The following PLEKHA8 variants were observed in gnomAD, a reference collection of about 807,000 sequenced individuals.
PLEKHA8 encodes the protein pleckstrin homology domain-containing family A member 8.
Under a neutral mutation model 68.2 loss-of-function variants are expected in PLEKHA8, and 36 were observed. The observed-to-expected ratio is 0.53, with a 90% CI of 0.40 to 0.70. The LOEUF (loss-of-function observed/expected upper bound fraction) is 0.70, where lower values mean the gene tolerates loss of function less well. Among genes scored for constraint, PLEKHA8 ranks in the 30% least tolerant of loss-of-function variants. The pLI is 0.00. For missense variants in PLEKHA8, 505 were observed against 615.4 expected (o/e 0.82, Z 1.90); for synonymous variants, 211 against 216.1 (o/e 0.98, Z 0.20).
chr7:30,064,262 C>T (rs146030887), intron 12 of PLEKHA8, among the ~76,000 whole-genome samples: 68 of 152,290 alleles, frequency 4.5e-4, no homozygotes, highest in African/African-American at 1.3e-3. Context: ...GTATTTGGTA[C>T]GCAAAACACT....
At chr7:30,041,875 CTA>C (rs1419086217) in intron 1 of PLEKHA8, among the ~76,000 whole-genome samples, 1 of 151,844 alleles carries the variant, frequency 6.6e-6, no homozygotes, top group Admixed American at 6.6e-5. Flanking sequence ...AGAACCTGTG[CTA>C]TGTCATTGTT....
chr7:30,034,856 A>G (rs554831762), intron 1 of PLEKHA8, among the ~76,000 whole-genome samples: 1 of 151,096 alleles, frequency 6.6e-6, no homozygotes, highest in South Asian at 2.1e-4. Flanking sequence ...TTAAATTTTG[A>G]TGTAGTCTGA....
At chr7:30,127,805 A>G (rs1403155473) in intron 13 of PLEKHA8, among the ~76,000 whole-genome samples, 3 of 152,376 alleles carry the variant, frequency 2.0e-5, no homozygotes, top group Admixed American at 6.5e-5. Context: ...AACCAATTTT[A>G]CATCTATTTT....
At chr7:30,125,460 C>G (rs926498445) in intron 13 of PLEKHA8, among the ~76,000 whole-genome samples, 1 of 152,180 alleles carries the variant, frequency 6.6e-6, no homozygotes, top group Non-Finnish European at 1.5e-5. Context: ...GAGGAAATCC[C>G]TGGAGATTTA....
At chr7:30,095,211 G>T (rs1328668944), downstream of PLEKHA8, among the ~76,000 whole-genome samples, 1 of 152,170 alleles carries the variant, frequency 6.6e-6, no homozygotes, top group African/African-American at 2.4e-5. Flanking sequence ...TTTAAAGATC[G>T]CCATGCTAAC....
At position 30,054,736 on chromosome 7, in the gene PLEKHA8, G is replaced by C. The variant is rs751068357; in HGVS notation, c.824G>C (p.Gly275Ala). 6.3e-7 allele frequency: 1 copy of C among 1,598,266 alleles called. No homozygotes were observed. The highest frequency in any genetic ancestry group is 8.5e-7 in the Non-Finnish European group (1 of 1,170,508). The part of the protein sequence containing the change: ...TVQGEIRKED[G>A]MENLKNHDNN... ...CAAGGTGAAATAAGGAAGGAAGATG[G>C]AATGGAAAACCTGAAAAATCATGAC... The change falls in exon 8 of 14, where the codon GGA (glycine) becomes GCA (alanine). Residue 275 changes from glycine (G) to alanine (A), a missense_variant. Coordinates refer to ENST00000449726, the MANE Select transcript of PLEKHA8 (RefSeq NM_001197026.2).
intron 13 of PLEKHA8, among the ~76,000 whole-genome samples, chr7:30,106,831 T>G (rs572439114): frequency 6.6e-6 from 1 of 152,352 alleles, no homozygotes; most frequent in South Asian, 2.1e-4. Flanking sequence ...AAGTAATTTA[T>G]AAATGATTTA....
rs527499964 is a variant in PLEKHA8, at chr7:30,113,208, T to G, written c.1363-16058T>G. ...CTTGCTTTCTGCATCTTTCTTCTGG[T>G]TTTGATTTGCTCCTTCTGGAAGTAA... is the stretch of plus-strand genomic sequence containing the variant. On this transcript the variant is annotated intron_variant, in intron 13 of 13. Coordinates refer to the PLEKHA8 transcript ENST00000396257. Among the ~76,000 whole-genome samples the G allele has an allele frequency of 2.6e-5, 4 of 152,308 alleles. No individual in the cohort carries two copies. In the South Asian group the frequency reaches 8.3e-4, roughly 32 times the overall value.
intron 4 of PLEKHA8, 133 bp downstream of exon 4, chr7:30,048,089 C>T (rs1356444862): frequency 4.3e-6 from 2 of 467,446 alleles, no homozygotes; most frequent in Non-Finnish European, 6.1e-6. Flanking sequence ...CCAGACGTTG[C>T]TTACAGGTGG....
intron 9 of PLEKHA8, among the ~76,000 whole-genome samples, chr7:30,058,537 C>T (rs1212543152): frequency 2.8e-5 from 4 of 142,744 alleles, no homozygotes; most frequent in East Asian, 4.2e-4. Flanking sequence ...AATATGTTTT[C>T]CTTTTTACAT....
intron 9 of PLEKHA8, among the ~76,000 whole-genome samples, chr7:30,058,471 CT>C (rs79972069): frequency 0.017 from 2,161 of 125,228 alleles, 30 homozygotes; most frequent in East Asian, 0.05. Flanking sequence ...AGTTGAGGTT[CT>C]TTTTTTTTTT....
At chr7:30,039,621 C>G (rs913972753) in intron 1 of PLEKHA8, among the ~76,000 whole-genome samples, 1 of 152,166 alleles carries the variant, frequency 6.6e-6, no homozygotes, top group Non-Finnish European at 1.5e-5. Flanking sequence ...TCAGATTTTT[C>G]ATTGCAACTG....
chr7:30,078,402 T>C (rs1323432880), intron 13 of PLEKHA8, among the ~76,000 whole-genome samples, 188 bp from the exon 14 acceptor site: 1 of 152,218 alleles, frequency 6.6e-6, no homozygotes, highest in Non-Finnish European at 1.5e-5. Context: ...CTTAAAGTTA[T>C]TTGAATTGGC....
chr7:30,093,401 A>G (rs1220219294), downstream of PLEKHA8, among the ~76,000 whole-genome samples: 1 of 152,208 alleles, frequency 6.6e-6, no homozygotes, highest in African/African-American at 2.4e-5. Flanking sequence ...TGGGTGAGAA[A>G]GCACATGAGT....
chr7:30,089,983 G>C (rs764942994), intron 12 of PLEKHA8, among the ~76,000 whole-genome samples: 6 of 152,198 alleles, frequency 3.9e-5, no homozygotes, highest in Non-Finnish European at 8.8e-5. Flanking sequence ...ACAGGGATTC[G>C]AGTAATTCCT....
rs939518997 is a variant in PLEKHA8, at chr7:30,081,346, G to A, written c.*2559G>A. 10 of 982,842 alleles carry A rather than the reference G, an allele frequency of 1.0e-5. No individual in the cohort carries two copies. The highest frequency in any genetic ancestry group is 1.2e-5 in the Non-Finnish European group (10 of 827,752). 60.9% of individuals were successfully genotyped at this position (982,842 alleles called of 1,614,324 possible). ...TGTGTAAAAGTTTGCTTAAGGAACT[G>A]AGGATCCTTAAATAAAAATATTAGA... On this transcript the variant is annotated 3_prime_UTR_variant, in exon 14 of 14. Transcript: ENST00000449726.
At chr7:30,066,942 C>T (rs904357900) in intron 12 of PLEKHA8, among the ~76,000 whole-genome samples, 1 of 152,156 alleles carries the variant, frequency 6.6e-6, no homozygotes, top group Non-Finnish European at 1.5e-5. Flanking sequence ...TATTTGACAT[C>T]AAATCATAAG....
intron 4 of PLEKHA8, among the ~76,000 whole-genome samples, chr7:30,048,744 T>C (rs1792162864): frequency 6.6e-6 from 1 of 152,316 alleles, no homozygotes; most frequent in Middle Eastern, 3.4e-3. Context: ...GTTTCGAGTT[T>C]TTCTAAAAAA....
downstream of PLEKHA8, among the ~76,000 whole-genome samples, chr7:30,095,453 A>C (rs1795575402): frequency 6.6e-6 from 1 of 152,098 alleles, no homozygotes; most frequent in Non-Finnish European, 1.5e-5. Flanking sequence ...AGGTTGCAAA[A>C]ATTTTCTCCC....
Sources: gnomAD v4.1 joint callset for allele counts (sites outside exome capture counted in the v4.1 genomes callset) on GRCh38, gnomAD v4.1.1 for gene constraint, MANE v1.5 for transcripts, NCBI Gene and HGNC (gene_info 2026-07-23, HGNC 2026-07-21) for gene names.